DDB1: variants seen among roughly 807,000 people sequenced by gnomAD.
DDB1 encodes damage specific DNA binding protein 1.
In DDB1, 18 loss-of-function variants were observed where a neutral mutation model predicts 133.1. The observed-to-expected ratio is 0.14, with a 90% CI of 0.09 to 0.20. DDB1 has a LOEUF of 0.20. Among genes scored for constraint, DDB1 ranks in the 10% least tolerant of loss-of-function variants. The probability of loss-of-function intolerance (pLI) is 1.00; values close to 1 mark genes in which losing one functional copy is unlikely to be tolerated. For missense variants in DDB1, 828 were observed against 1,459.2 expected, an observed-to-expected ratio of 0.57 and a Z score of 7.05; for synonymous variants, 580 against 550.5, an observed-to-expected ratio of 1.05 and a Z score of -0.75.
chr11:61,321,550 G>A, intron 10 of DDB1, 45 bp downstream of exon 10: 1 of 1,581,144 alleles, frequency 6.3e-7, no homozygotes, highest in Non-Finnish European at 8.7e-7. Context: ...CAAGGCCAAA[G>A]TCCCTCATGT....
At chr11:61,316,946 G>GAT (rs58564398) in intron 10 of DDB1, among the ~76,000 whole-genome samples, 122 of 28,940 alleles carry the variant, frequency 4.2e-3, no homozygotes, top group Non-Finnish European at 4.9e-3. Flanking sequence ...AAAAAGGATA[G>GAT]ATATATATAT....
At chr11:61,317,912 A>C (rs936551864) in intron 10 of DDB1, among the ~76,000 whole-genome samples, 6 of 152,098 alleles carry the variant, frequency 3.9e-5, no homozygotes, top group African/African-American at 1.4e-4. Flanking sequence ...CCTTCTGGTA[A>C]AGAGATGGGG....
At position 61,299,836 on chromosome 11, in the gene DDB1, C is replaced by G. The variant is rs1016423846; in HGVS notation, c.*300G>C. The G allele has an allele frequency of 2.1e-6, 1 of 471,086 alleles. No individual in the cohort carries two copies. The allele number at this position is 471,086 out of a possible 1,614,324, so 29.2% of individuals were successfully genotyped here. A position where few individuals can be genotyped will look rare whatever the true frequency, so the allele number is the denominator to read the frequency against. On this transcript the variant is annotated 3_prime_UTR_variant, in exon 27 of 27. Coordinates refer to ENST00000301764, the MANE Select transcript of DDB1 (RefSeq NM_001923.5). ...GCACAGCTTCCTTTCAGCCAAAGAA[C>G]TGCAAAATCCTTCCCCGGAAGGAGG...
chr11:61,320,160 T>C lies in DDB1; in HGVS notation c.1225+1435A>G, dbSNP rs79518623. Among the ~76,000 whole-genome samples the C allele has an allele frequency of 3.7e-3, 558 of 152,274 alleles. 5 individuals carry two copies. Among genetic ancestry groups the C allele is most frequent in the African/African-American group, 0.013 (541 of 41,574 alleles). On this transcript the variant is annotated intron_variant, in intron 10 of 26. Transcript: ENST00000301764. ...GTTGATTATCTTGGGTTTGTAGTTA[T>C]ATGATCTCTTCCTTTGCAATTTCAT... is the stretch of plus-strand genomic sequence containing the variant.
Position 61,302,572 on chromosome 11 carries a change from G to GT in DDB1, c.3112+9dup, listed in dbSNP as rs1565238199. On this transcript the variant is annotated intron_variant, in intron 24 of 26. Transcript: ENST00000301764. ...CTGTGTGGGGGTGTGCCCCACAGGG[G>GT]TGACCTTACCTATCATGCCGTTGAC... 1 of 1,614,098 alleles carries GT rather than the reference G, an allele frequency of 6.2e-7. No homozygotes were observed. The highest frequency in any genetic ancestry group is 1.3e-5 in the African/African-American group (1 of 75,050).
At chr11:61,316,028 A>G (rs1245955493) in intron 12 of DDB1, 2 of 369,236 alleles carry the variant, frequency 5.4e-6, no homozygotes, top group African/African-American at 2.0e-5. Flanking sequence ...GTTTATATAT[A>G]TAATGACCCG....
In DDB1 at chr11:61,300,154, C is replaced by G. The variant is rs1484798403; in HGVS notation, c.3405G>C (p.Glu1135Asp). The change falls in exon 27 of 27, where the codon GAG becomes GAC. Residue 1135 changes from glutamate to aspartate, a missense_variant. Around this residue, in one of 7 missense-constraint regions of DDB1, gnomAD observed 116 missense variants for 221.6 expected, o/e 0.52. Coordinates refer to ENST00000301764, the MANE Select transcript of DDB1 (RefSeq NM_001923.5). The part of the protein sequence containing the change: ...TADDLIKVVE[E>D]LTRIH ...CCCTTGGCTAATGGATCCGAGTTAGCTCCTCCACAACCTTGATGAGGTCGT... is the reference window on the plus strand; with the variant it reads ...CCCTTGGCTAATGGATCCGAGTTAGGTCCTCCACAACCTTGATGAGGTCGT... 5 of 1,614,076 alleles carry G rather than the reference C, an allele frequency of 3.1e-6. No homozygotes were observed. In the East Asian group the frequency reaches 1.1e-4, roughly 36 times the overall value.
chr11:61,311,522 C>T (rs1240338850), intron 18 of DDB1, among the ~76,000 whole-genome samples: 1 of 152,056 alleles, frequency 6.6e-6, no homozygotes, highest in Non-Finnish European at 1.5e-5. Context: ...TATTCGACCA[C>T]TCTACAAAGG....
In DDB1 at chr11:61,300,363, C is replaced by A. The variant is rs28720361; in HGVS notation, c.3340-144G>T. On this transcript the variant is annotated intron_variant, in intron 26 of 26. Transcript: ENST00000301764. ...GACTCACCAGAAACCCACGCCTCCCCCTGGGTGGCACAGGTCAGCAAGGAC... is the reference window on the plus strand; with the variant it reads ...GACTCACCAGAAACCCACGCCTCCCACTGGGTGGCACAGGTCAGCAAGGAC... 5.0e-6 allele frequency: 4 copies of A among 798,040 alleles called. No homozygotes were observed. The African/African-American group carries it at 5.1e-5, about 10-fold the overall frequency. 49.4% of individuals were successfully genotyped at this position (798,040 alleles called of 1,614,324 possible).
At chr11:61,316,165 G>A in intron 12 of DDB1, 120 bp downstream of exon 12, 1 of 848,198 alleles carries the variant, frequency 1.2e-6, no homozygotes, top group Non-Finnish European at 1.9e-6. Context: ...TTTTTCCCTA[G>A]AATTTTTACA....
In DDB1 at chr11:61,312,464, G is replaced by A. The variant is rs115639529; in HGVS notation, c.2070-380C>T. Among the ~76,000 whole-genome samples, 1,005 of 151,074 alleles carry A rather than the reference G, an allele frequency of 6.7e-3. 14 individuals carry two copies. Among genetic ancestry groups the A allele is most frequent in the African/African-American group, 0.024 (971 of 41,146 alleles). ...GATTCTGTGAGTCAGGGTGGGGCTT[G>A]AGCATCTGCATTTCTTTCTTTTCTT... On this transcript the variant is annotated intron_variant, in intron 16 of 26. Coordinates refer to ENST00000301764, the MANE Select transcript of DDB1 (RefSeq NM_001923.5).
intron 10 of DDB1, among the ~76,000 whole-genome samples, chr11:61,320,979 G>C (rs1422686236): frequency 6.6e-6 from 1 of 151,762 alleles, no homozygotes; most frequent in South Asian, 2.1e-4. Context: ...AACCTCCTGG[G>C]CTCAAGTGAT....
At chr11:61,318,297 T>C (rs1856123458) in intron 10 of DDB1, among the ~76,000 whole-genome samples, 1 of 152,244 alleles carries the variant, frequency 6.6e-6, no homozygotes, top group Non-Finnish European at 1.5e-5. Context: ...TGTATTTTTA[T>C]GTCACTTTAT....
chr11:61,326,077 T>A (rs971645399), intron 5 of DDB1: 2 of 309,988 alleles, frequency 6.5e-6, no homozygotes, highest in Admixed American at 4.7e-5. Flanking sequence ...TTAGCTTAAC[T>A]TCCCCCCATT....
chr11:61,307,488 C>G (rs957152839), intron 21 of DDB1, among the ~76,000 whole-genome samples: 1 of 152,232 alleles, frequency 6.6e-6, no homozygotes, highest in African/African-American at 2.4e-5. Context: ...CTCGGTTCTC[C>G]TCCTACTTCA....
chr11:61,306,339 C>CA (rs1210121315), intron 21 of DDB1, among the ~76,000 whole-genome samples: 1 of 152,156 alleles, frequency 6.6e-6, no homozygotes, highest in Non-Finnish European at 1.5e-5. Flanking sequence ...GGAGGTAGCA[C>CA]AGTCTCCCAA....
At chr11:61,304,252 A>T (rs533792892) in intron 21 of DDB1, among the ~76,000 whole-genome samples, 35 of 152,312 alleles carry the variant, frequency 2.3e-4, no homozygotes, top group African/African-American at 7.9e-4. Flanking sequence ...AGGAATACAA[A>T]ACTTCCCAAG....
rs1855768599 is a variant in DDB1 at position 61,300,157 on chromosome 11, C to T, written c.3402G>A (p.Glu1134=). 1.2e-6 allele frequency: 2 copies of T among 1,614,076 alleles called. No individual in the cohort carries two copies. The highest frequency in any genetic ancestry group is 2.2e-5 in the East Asian group (1 of 44,890). The change falls in exon 27 of 27, where the codon GAG becomes GAA. Residue 1134 remains glutamate (E), a synonymous_variant. Coordinates refer to ENST00000301764, the MANE Select transcript of DDB1 (RefSeq NM_001923.5). Reference sequence around the variant, plus strand: ...TTGGCTAATGGATCCGAGTTAGCTCCTCCACAACCTTGATGAGGTCGTCTG... The same window carrying T: ...TTGGCTAATGGATCCGAGTTAGCTCTTCCACAACCTTGATGAGGTCGTCTG... The part of the protein sequence containing the change: ...ATADDLIKVV[E]ELTRIH
intron 10 of DDB1, among the ~76,000 whole-genome samples, chr11:61,320,312 C>T (rs759103583): frequency 4.6e-5 from 7 of 151,764 alleles, no homozygotes; most frequent in African/African-American, 7.3e-5. Context: ...GTGCCTCTCC[C>T]GTCTCAGCCT....
Sources: gnomAD v4.1 joint callset for allele counts (sites outside exome capture counted in the v4.1 genomes callset) on GRCh38, gnomAD v4.1.1 for gene constraint, gnomAD v4.1.1 regional missense constraint, MANE v1.5 for transcripts, NCBI Gene and HGNC (gene_info 2026-07-23, HGNC 2026-07-21) for gene names.